The following ZNF33A variants were observed in gnomAD, a reference collection of about 807,000 sequenced individuals.
ZNF33A encodes the protein brain my041 protein.
ZNF33A carries 9 observed loss-of-function variants against 15.9 expected under a neutral mutation model. That is an observed-to-expected ratio of 0.57 (90% CI 0.34 to 0.99). The LOEUF is 0.99. Among genes scored for constraint, ZNF33A ranks in the 50% least tolerant of loss-of-function variants. The pLI is 0.02. For synonymous variants in ZNF33A, 294 were observed against 324.2 expected (o/e 0.91, Z 1.00); for missense variants, 843 against 941.6 (o/e 0.90, Z 1.37).
downstream of ZNF33A, among the ~76,000 whole-genome samples, chr10:38,063,202 C>T (rs1382100289): frequency 6.6e-6 from 1 of 152,036 alleles, no homozygotes; most frequent in Non-Finnish European, 1.5e-5. Flanking sequence ...TGACTGGTCC[C>T]ACAGGTTCAC....
Position 38,056,429 on chromosome 10 carries a change from A to G in ZNF33A, c.2305A>G (p.Arg769Gly). The G allele has an allele frequency of 1.2e-6, 2 of 1,614,104 alleles. No individual in the cohort carries two copies. Among genetic ancestry groups the G allele is most frequent in the Non-Finnish European group, 1.7e-6 (2 of 1,179,952 alleles). Residue 769 changes from arginine to glycine, a missense_variant, in exon 5 of 5, where the codon AGA becomes GGA. Physicochemically the swap from Arg to Gly is moderately radical, Grantham distance 125. Transcript: ENST00000432900. The part of the protein sequence containing the change: ...SQKSNLIVHQ[R>G]RHIGENLMNE... Reference sequence around the variant, plus strand: ...AAAGTCAAATCTCATTGTACATCAGAGAAGACATATAGGAGAAAACCTTAT... The same window carrying G: ...AAAGTCAAATCTCATTGTACATCAGGGAAGACATATAGGAGAAAACCTTAT...
chr10:38,035,112 T>TA lies in ZNF33A; in HGVS notation c.250+17726_250+17727insA, dbSNP rs1491120048. Among the ~76,000 whole-genome samples, 3 of 4,462 alleles carry TA rather than the reference T, an allele frequency of 6.7e-4. No individual in the cohort carries two copies. The Admixed American group carries it at 0.013, about 20-fold the overall frequency. 2.9% of individuals were successfully genotyped at this position (4,462 alleles called of 152,430 possible). ...AACCATCCATCATCCATTTACTTTC[T>TA]TTTTTTTTTTTTTTTTTTTTTTTGA... On this transcript the variant is annotated intron_variant, in intron 4 of 4. Coordinates refer to ENST00000432900, the MANE Select transcript of ZNF33A (RefSeq NM_006954.2).
intron 4 of ZNF33A, among the ~76,000 whole-genome samples, chr10:38,051,079 A>G (rs1488735432): frequency 6.6e-6 from 1 of 151,806 alleles, no homozygotes; most frequent in Non-Finnish European, 1.5e-5. Flanking sequence ...TTTTTTTTTT[A>G]CATTTGAAAA....
rs1168874993 is a variant in ZNF33A at position 38,055,566 on chromosome 10, A to T, written c.1442A>T (p.Lys481Met). The T allele has an allele frequency of 2.5e-6, 4 of 1,614,134 alleles. No individual in the cohort carries two copies. The South Asian group carries it at 4.4e-5, about 18-fold the overall frequency. The change falls in exon 5 of 5, where the codon AAG becomes ATG. Residue 481 changes from lysine to methionine, a missense_variant. Coordinates refer to ENST00000432900, the MANE Select transcript of ZNF33A (RefSeq NM_006954.2). ...GAGTGTGGGAAATCCTTTAGTGAAA[A>T]GTCAAATCTTACACAGCATCAGAGA... The part of the protein sequence containing the change: ...CLECGKSFSE[K>M]SNLTQHQRIH...
At chr10:38,021,551 G>A (rs1014365062) in intron 4 of ZNF33A, among the ~76,000 whole-genome samples, 3 of 152,164 alleles carry the variant, frequency 2.0e-5, no homozygotes, top group African/African-American at 7.2e-5. Context: ...TGAGGTAGGA[G>A]AATCGCTTGA....
chr10:38,060,145 T>C (rs1032552920), downstream of ZNF33A: 80 of 902,304 alleles, frequency 8.9e-5, no homozygotes, highest in Non-Finnish European at 1.0e-4. Context: ...TAGTGAACAA[T>C]TGAATTGCTT....
chr10:38,057,574 AAGG>A lies in ZNF33A; in HGVS notation c.*1017_*1019del, dbSNP rs1216952296. The A allele has an allele frequency of 1.0e-6, 1 of 984,270 alleles. No homozygotes were observed. The highest frequency in any genetic ancestry group is 1.7e-5 in the African/African-American group (1 of 57,222). The allele number at this position is 984,270 out of a possible 1,614,324, so 61.0% of individuals were successfully genotyped here. On this transcript the variant is annotated 3_prime_UTR_variant, in exon 5 of 5. Coordinates refer to ENST00000432900, the MANE Select transcript of ZNF33A (RefSeq NM_006954.2). Reference sequence around the variant, plus strand: ...TTTGTGATGTCCTGAAACAATTTAAAAGGAGACCCACAGAGCTAATGTTTATCC... The same window carrying A: ...TTTGTGATGTCCTGAAACAATTTAAAAGACCCACAGAGCTAATGTTTATCC...
chr10:38,038,682 A>G (rs971121351), intron 4 of ZNF33A, among the ~76,000 whole-genome samples: 1 of 152,060 alleles, frequency 6.6e-6, no homozygotes, highest in Admixed American at 6.6e-5. Context: ...AAATCACTGT[A>G]CCTTTCATTA....
At chr10:38,035,073 A>G (rs1164185887) in intron 4 of ZNF33A, among the ~76,000 whole-genome samples, 1 of 151,398 alleles carries the variant, frequency 6.6e-6, no homozygotes, top group African/African-American at 2.4e-5. Flanking sequence ...CCCAACAGTA[A>G]GAAATCTGGC....
rs1228688450 is a variant in ZNF33A, at chr10:38,058,859, T to TA, written c.*2300dup. 2.0e-5 allele frequency: 3 copies of TA among 152,196 alleles called. No homozygotes were observed. Among genetic ancestry groups the TA allele is most frequent in the African/African-American group, 7.2e-5 (3 of 41,456 alleles). The allele number at this position is 152,196 out of a possible 1,614,324, so 9.4% of individuals were successfully genotyped here. On this transcript the variant is annotated 3_prime_UTR_variant, in exon 5 of 5. Coordinates refer to ENST00000432900, the MANE Select transcript of ZNF33A (RefSeq NM_006954.2). ...TTTGAGATACTTAAGGTAGAAATGA[T>TA]ACCAAGTCTCTACCATCTCTTTCAG... is the stretch of plus-strand genomic sequence containing the variant.
At chr10:38,037,515 G>T (rs1276388891) in intron 4 of ZNF33A, among the ~76,000 whole-genome samples, 1 of 151,828 alleles carries the variant, frequency 6.6e-6, no homozygotes, top group Non-Finnish European at 1.5e-5. Context: ...TAGTAGAGAT[G>T]GAGTTTCGTC....
intron 4 of ZNF33A, among the ~76,000 whole-genome samples, chr10:38,034,909 G>A (rs1240835974): frequency 6.6e-6 from 1 of 152,092 alleles, no homozygotes; most frequent in Non-Finnish European, 1.5e-5. Flanking sequence ...AAATACACGT[G>A]TATAAACCAT....
intron 4 of ZNF33A, among the ~76,000 whole-genome samples, chr10:38,029,733 C>T (rs1434289573): frequency 2.0e-5 from 3 of 152,014 alleles, no homozygotes; most frequent in African/African-American, 7.3e-5. Context: ...ACAGGCAACA[C>T]AATAATATGG....
chr10:38,064,015 T>G (rs1293881427), downstream of ZNF33A: 1 of 1,421,192 alleles, frequency 7.0e-7, no homozygotes, highest in Non-Finnish European at 9.7e-7. Context: ...AAGAGGGCTT[T>G]CAGGCCATCT....
chr10:38,016,045 G>T, intron 2 of ZNF33A: 1 of 1,229,134 alleles, frequency 8.1e-7, no homozygotes, highest in Non-Finnish European at 1.0e-6. Context: ...ACTCCACAGA[G>T]GTTTCAAATA....
At position 38,057,698 on chromosome 10, in the gene ZNF33A, C is replaced by G. The variant is rs2066542940; in HGVS notation, c.*1138C>G. 1.2e-5 allele frequency: 12 copies of G among 985,456 alleles called. No homozygotes were observed. Among genetic ancestry groups the G allele is most frequent in the Non-Finnish European group, 1.4e-5 (12 of 829,944 alleles). The allele number at this position is 985,456 out of a possible 1,614,324, so 61.0% of individuals were successfully genotyped here. A position where few individuals can be genotyped will look rare whatever the true frequency, so the allele number is the denominator to read the frequency against. ...CTCGCCTCCATGTTACTCCCTTTCT[C>G]TTCCTACCTGTGGCTCATGCCATGC... On this transcript the variant is annotated 3_prime_UTR_variant, in exon 5 of 5. Transcript: ENST00000432900.
chr10:38,029,364 A>G (rs763976222), intron 4 of ZNF33A, among the ~76,000 whole-genome samples: 31 of 152,280 alleles, frequency 2.0e-4, no homozygotes, highest in Non-Finnish European at 2.9e-4. Flanking sequence ...CAATTTATAT[A>G]TGTCATCCAT....
chr10:38,048,606 T>C (rs973569185), intron 4 of ZNF33A, among the ~76,000 whole-genome samples: 18 of 152,176 alleles, frequency 1.2e-4, no homozygotes, highest in African/African-American at 3.6e-4. Flanking sequence ...TATAGAATGG[T>C]AAAATTATTC....
At chr10:38,053,096 C>A (rs926332194) in intron 4 of ZNF33A, among the ~76,000 whole-genome samples, 36 of 151,576 alleles carry the variant, frequency 2.4e-4, no homozygotes, top group Non-Finnish European at 4.4e-4. Flanking sequence ...TTTCTTGTTT[C>A]ATTCTCCTTT....
Sources: allele counts gnomAD v4.1 joint callset (sites outside exome capture counted in the v4.1 genomes callset), GRCh38; gene constraint gnomAD v4.1.1; transcripts MANE v1.5; gene names NCBI Gene and HGNC (gene_info 2026-07-23, HGNC 2026-07-21).